The following PLEKHA5 variants were observed in gnomAD, a reference collection of about 807,000 sequenced individuals.
PLEKHA5 encodes the protein pleckstrin homology domain containing A5.
Under a neutral mutation model 181.9 loss-of-function variants are expected in PLEKHA5, and 55 were observed. The observed-to-expected ratio is 0.30, with a 90% CI of 0.24 to 0.38. PLEKHA5 has a LOEUF of 0.38. PLEKHA5 is among the 10% of genes least tolerant of loss of function. The pLI, the probability that PLEKHA5 is intolerant of heterozygous loss-of-function variation, is 1.00. For synonymous variants in PLEKHA5, 535 were observed against 529.4 expected (o/e 1.01, Z -0.15); for missense variants, 1,432 against 1,549.5 (o/e 0.92, Z 1.27).
At chr12:19,163,371 A>G (rs555287622) in intron 3 of PLEKHA5, among the ~76,000 whole-genome samples, 97 of 151,888 alleles carry the variant, frequency 6.4e-4, no homozygotes, top group Admixed American at 1.4e-3. Flanking sequence ...TAGAGACGGG[A>G]TTTCACTGTG....
chr12:19,138,074 A>G (rs958105594), intron 3 of PLEKHA5, among the ~76,000 whole-genome samples: 1 of 152,200 alleles, frequency 6.6e-6, no homozygotes, highest in Admixed American at 6.5e-5. Flanking sequence ...CACAAAAAGT[A>G]TTGGAAGAGT....
At chr12:19,248,173 T>G (rs184240909) in intron 3 of PLEKHA5, among the ~76,000 whole-genome samples, 17 of 152,164 alleles carry the variant, frequency 1.1e-4, no homozygotes, top group Admixed American at 1.1e-3. Flanking sequence ...CAGAGAGTTG[T>G]GTTCACATCA....
At chr12:19,193,607 C>T (rs1315235009) in intron 3 of PLEKHA5, among the ~76,000 whole-genome samples, 1 of 152,046 alleles carries the variant, frequency 6.6e-6, no homozygotes, top group East Asian at 1.9e-4. Context: ...GAGCAATGCA[C>T]GTTGTACCTA....
At chr12:19,226,812 T>C (rs973142016) in intron 3 of PLEKHA5, among the ~76,000 whole-genome samples, 1 of 152,210 alleles carries the variant, frequency 6.6e-6, no homozygotes, top group East Asian at 1.9e-4. Context: ...ATTTAAATTA[T>C]TATGCCTTAT....
intron 3 of PLEKHA5, among the ~76,000 whole-genome samples, chr12:19,208,377 A>C (rs2056134733): frequency 6.6e-6 from 1 of 150,754 alleles, no homozygotes; most frequent in African/African-American, 2.4e-5. Context: ...ATTGCACCCC[A>C]GCCTGGGCAA....
chr12:19,215,158 CAG>C (rs1463780339), intron 3 of PLEKHA5, among the ~76,000 whole-genome samples: 2 of 151,436 alleles, frequency 1.3e-5, no homozygotes, highest in Admixed American at 6.6e-5. Flanking sequence ...TCCTGGAAGA[CAG>C]AGTGAGATTC....
intron 3 of PLEKHA5, among the ~76,000 whole-genome samples, chr12:19,251,739 CAAAAAA>C (rs374276545): frequency 0.011 from 697 of 65,640 alleles, 7 homozygotes; most frequent in African/African-American, 0.038. Flanking sequence ...GAGGCCCATC[CAAAAAA>C]AAAAAAAAAA....
At chr12:19,166,808 C>T (rs996954022) in intron 3 of PLEKHA5, among the ~76,000 whole-genome samples, 1 of 152,192 alleles carries the variant, frequency 6.6e-6, no homozygotes, top group Non-Finnish European at 1.5e-5. Flanking sequence ...TCCCTAACTA[C>T]GTGAATCATC....
intron 15 of PLEKHA5, among the ~76,000 whole-genome samples, chr12:19,293,610 A>G (rs1190212668): frequency 7.2e-5 from 11 of 152,352 alleles, no homozygotes; most frequent in South Asian, 2.1e-4. Flanking sequence ...TTAAAAAACA[A>G]TGATATAAAC....
intron 4 of PLEKHA5, among the ~76,000 whole-genome samples, chr12:19,254,410 TCA>T (rs1174365466): frequency 1.3e-5 from 2 of 152,228 alleles, no homozygotes; most frequent in Non-Finnish European, 2.9e-5. Context: ...ATAAAGCTAT[TCA>T]CAGAGTTAGT....
chr12:19,214,189 G>T (rs969987261), intron 3 of PLEKHA5, among the ~76,000 whole-genome samples: 3 of 152,142 alleles, frequency 2.0e-5, no homozygotes, highest in Admixed American at 6.5e-5. Flanking sequence ...AGACCTAGCA[G>T]AAGTGATTAG....
chr12:19,161,607 G>A (rs1029073612), intron 3 of PLEKHA5, among the ~76,000 whole-genome samples: 1 of 151,968 alleles, frequency 6.6e-6, no homozygotes, highest in Non-Finnish European at 1.5e-5. Flanking sequence ...CCAACCAAGG[G>A]TGCGAACCAC....
At chr12:19,232,166 T>C (rs2060727189) in intron 3 of PLEKHA5, among the ~76,000 whole-genome samples, 1 of 152,208 alleles carries the variant, frequency 6.6e-6, no homozygotes, top group African/African-American at 2.4e-5. Context: ...CATGAGTACA[T>C]ACTTTCCATC....
intron 3 of PLEKHA5, among the ~76,000 whole-genome samples, chr12:19,141,175 C>G (rs563754670): frequency 2.6e-5 from 4 of 152,172 alleles, no homozygotes; most frequent in Non-Finnish European, 4.4e-5. Flanking sequence ...ACCCCTCCCC[C>G]CCAACAGAAA....
At chr12:19,266,553 T>C (rs1282043127) in intron 8 of PLEKHA5, among the ~76,000 whole-genome samples, 1 of 151,630 alleles carries the variant, frequency 6.6e-6, no homozygotes, top group Admixed American at 6.6e-5. Flanking sequence ...GGAGGCCGAG[T>C]TGGACAGAAA....
intron 11 of PLEKHA5, among the ~76,000 whole-genome samples, chr12:19,281,966 A>T (rs2076282680): frequency 6.6e-6 from 1 of 151,806 alleles, no homozygotes; most frequent in Non-Finnish European, 1.5e-5. Context: ...GTATTTTTCG[A>T]AGAGACGGGG....
At chr12:19,253,079 T>TTTTTTTTTTTTTTTTTTTTTG (rs2065826909) in intron 3 of PLEKHA5, among the ~76,000 whole-genome samples, 1 of 126,044 alleles carries the variant, frequency 7.9e-6, no homozygotes, top group Non-Finnish European at 1.7e-5. Context: ...TTTTTTTTTT[T>TTTTTTTTTTTTTTTTTTTTTG]TTTTTTTTTT....
rs140842566 is a variant in PLEKHA5 at position 19,314,389 on chromosome 12, A to G, written c.2038-425A>G. 4.7e-3 allele frequency among the ~76,000 whole-genome samples: 710 copies of G among 152,310 alleles called. 5 individuals carry two copies. The highest frequency in any genetic ancestry group is 0.016 in the African/African-American group (679 of 41,576). On this transcript the variant is annotated intron_variant, in intron 15 of 31. Transcript: ENST00000429027. ...AATACTTGTAGAGAACTAATTTTTT[A>G]TAACCTTACACAGAACTGAATATCA...
intron 3 of PLEKHA5, among the ~76,000 whole-genome samples, chr12:19,190,071 A>T: frequency 6.6e-6 from 1 of 152,152 alleles, no homozygotes; most frequent in East Asian, 1.9e-4. Flanking sequence ...TTTAAAAGTT[A>T]TTATTCAGCT....
Sources: allele counts gnomAD v4.1 joint callset (sites outside exome capture counted in the v4.1 genomes callset), GRCh38; gene constraint gnomAD v4.1.1; transcripts MANE v1.5; gene names NCBI Gene and HGNC (gene_info 2026-07-23, HGNC 2026-07-21).